The following ZNF132 variants were observed in gnomAD, a reference collection of about 807,000 sequenced individuals.
ZNF132 encodes zinc finger protein 132.
Under a neutral mutation model 9.3 loss-of-function variants are expected in ZNF132, and 6 were observed. The observed-to-expected ratio is 0.65, with a 90% CI of 0.35 to 1.28. The LOEUF (loss-of-function observed/expected upper bound fraction) is 1.28. Among genes scored for constraint, ZNF132 ranks in the 50% most tolerant of loss-of-function variants. ZNF132 has a pLI of 0.03. For missense variants in ZNF132, 877 were observed against 843.2 expected (o/e 1.04, Z -0.50); for synonymous variants, 296 against 292.0 (o/e 1.01, Z -0.14).
Position 58,433,001 on chromosome 19 carries a change from C to A in ZNF132, c.*322G>T. ...TCCCTCAAGGCCCCTCAACCAGCAT[C>A]GGTTCAGCTGAGCACAGTCCTGAAT... On this transcript the variant is annotated 3_prime_UTR_variant, in exon 3 of 3. Coordinates refer to ENST00000254166, the MANE Select transcript of ZNF132 (RefSeq NM_003433.4). The A allele has an allele frequency of 3.0e-6, 1 of 331,110 alleles. No individual in the cohort carries two copies. The highest frequency in any genetic ancestry group is 5.5e-6 in the Non-Finnish European group (1 of 182,662). 20.5% of individuals were successfully genotyped at this position (331,110 alleles called of 1,614,324 possible). A position where few individuals can be genotyped will look rare whatever the true frequency, so the allele number is the denominator to read the frequency against.
rs1370208359 is a variant in ZNF132, at chr19:58,439,774, C to G, written c.48G>C (p.Leu16=). 6 of 1,545,302 alleles carry G rather than the reference C, an allele frequency of 3.9e-6. No individual in the cohort carries two copies. The highest frequency in any genetic ancestry group is 8.7e-7 in the Non-Finnish European group (1 of 1,145,272). ...CTCCACTTACCTGCGCCGGGCCCAT[C>G]AGCAACGCTGGCAACCCCATTAGAA... ...PQVLMGLPAL[L]MGPAQHTSWP... The change falls in exon 1 of 3, where the codon CTG becomes CTC. Residue 16 remains leucine, a synonymous_variant. Coordinates refer to ENST00000254166, the MANE Select transcript of ZNF132 (RefSeq NM_003433.4).
chr19:58,434,431 T>C lies in ZNF132; in HGVS notation c.1013A>G (p.Gln338Arg), dbSNP rs746698855. ...FNHKLTFVHHQRIHSGERPYE... is the reference protein window; with the variant it reads ...FNHKLTFVHHRRIHSGERPYE... The stretch of plus-strand genomic sequence containing the variant: ...AGGTCTTTCTCCTGAGTGAATTCTC[T>C]GATGATGAACAAATGTGAGTTTGTG... Residue 338 changes from glutamine (Q) to arginine (R), a missense_variant, in exon 3 of 3, where the codon CAG becomes CGG. By Grantham distance (43) the Gln-to-Arg change is conservative. Transcript: ENST00000254166. The C allele has an allele frequency of 3.1e-6, 5 of 1,614,134 alleles. No homozygotes were observed. In the East Asian group the frequency reaches 1.1e-4, roughly 36 times the overall value.
Position 58,434,240 on chromosome 19 carries a change from G to T in ZNF132, c.1204C>A (p.Pro402Thr), listed in dbSNP as rs530514682. The change falls in exon 3 of 3, where the codon CCT becomes ACT. Residue 402 changes from proline (P) to threonine (T), a missense_variant. Transcript: ENST00000254166. ...TTACCACATTGACTGCACTCATAAG[G>T]TCTTACCTGTGTGTGAACTTTCTGA... ...RHQKVHTQVR[P>T]YECSQCGKSF... 28 of 1,613,954 alleles carry T rather than the reference G, an allele frequency of 1.7e-5. No individual in the cohort carries two copies. The highest frequency in any genetic ancestry group is 2.4e-5 in the Non-Finnish European group (28 of 1,180,026).
chr19:58,433,436 G>A lies in ZNF132; in HGVS notation c.2008C>T (p.Leu670Phe). The A allele has an allele frequency of 6.2e-7, 1 of 1,614,192 alleles. No homozygotes were observed. Among genetic ancestry groups the A allele is most frequent in the South Asian group, 1.1e-5 (1 of 91,080 alleles). ...CGKAFSERSTLVRHQKVHTRE... is the reference protein window; with the variant it reads ...CGKAFSERSTFVRHQKVHTRE... Reference sequence around the variant, plus strand: ...GTGTGAACTTTCTGGTGCCGAACAAGTGTAGATCTTTCACTAAAGGCTTTT... The same window carrying A: ...GTGTGAACTTTCTGGTGCCGAACAAATGTAGATCTTTCACTAAAGGCTTTT... Residue 670 changes from leucine (L) to phenylalanine (F), a missense_variant, in exon 3 of 3, where the codon CTT (leucine) becomes TTT (phenylalanine). Physicochemically the swap from Leu to Phe is conservative, Grantham distance 22. Coordinates refer to ENST00000254166, the MANE Select transcript of ZNF132 (RefSeq NM_003433.4).
intron 1 of ZNF132, chr19:58,437,881 A>C: frequency 1.3e-6 from 1 of 751,152 alleles, no homozygotes; most frequent in Non-Finnish European, 1.6e-6. Flanking sequence ...AGCAGATCTC[A>C]AATATCTCTT....
rs1599965098 is a variant in ZNF132, at chr19:58,434,068, A to G, written c.1376T>C (p.Phe459Ser). 1 of 1,613,416 alleles carries G rather than the reference A, an allele frequency of 6.2e-7. No homozygotes were observed. Among genetic ancestry groups the G allele is most frequent in the African/African-American group, 1.3e-5 (1 of 74,774 alleles). ...HQKVHTGERP[F>S]ECSECGRDFS... ...GTCTCTTCCACATTCACTGCACTCA[A>G]AAGGCCGTTCTCCGGTGTGAACTTT... Residue 459 changes from phenylalanine (F) to serine (S), a missense_variant, in exon 3 of 3, where the codon TTT (phenylalanine) becomes TCT (serine). Phe to Ser is a radical substitution (Grantham distance 155, BLOSUM62 -2). Coordinates refer to ENST00000254166, the MANE Select transcript of ZNF132 (RefSeq NM_003433.4).
chr19:58,439,628 GGCCCAGGACCCACGT>G, intron 1 of ZNF132, 116 bp downstream of exon 1: 1 of 961,604 alleles, frequency 1.0e-6, no homozygotes, highest in Non-Finnish European at 1.5e-6. Flanking sequence ...CCCAGGGCAG[GGCCCAGGACCCACGT>G]GTGAGGACAG....
At position 58,433,976 on chromosome 19, in the gene ZNF132, A is replaced by G; in HGVS notation, c.1468T>C (p.Cys490Arg). 6.2e-7 allele frequency: 1 copy of G among 1,613,794 alleles called. No individual in the cohort carries two copies. The highest frequency in any genetic ancestry group is 8.5e-7 in the Non-Finnish European group (1 of 1,179,946). Residue 490 changes from cysteine to arginine, a missense_variant, in exon 3 of 3, where the codon TGT becomes CGT. Cys to Arg is a radical substitution (Grantham distance 180, BLOSUM62 -3). Coordinates refer to ENST00000254166, the MANE Select transcript of ZNF132 (RefSeq NM_003433.4). ...VHTGERPFEC[C>R]DCGKAFSNSS... ...TTACTGAAGGCTTTACCACAATCAC[A>G]GCATTCAAAAGGCCGTTCTCCAGTG...
chr19:58,435,992 A>G (rs1418445063), intron 2 of ZNF132, among the ~76,000 whole-genome samples: 16 of 152,258 alleles, frequency 1.1e-4, no homozygotes, highest in Non-Finnish European at 2.4e-4. Context: ...GTCTTTCTAT[A>G]CACTGGAATA....
At position 58,433,006 on chromosome 19, in the gene ZNF132, C is replaced by G. The variant is rs373540186; in HGVS notation, c.*317G>C. The G allele has an allele frequency of 9.3e-6, 3 of 321,980 alleles. No individual in the cohort carries two copies. Among genetic ancestry groups the G allele is most frequent in the South Asian group, 7.1e-5 (1 of 14,112 alleles). 19.9% of individuals were successfully genotyped at this position (321,980 alleles called of 1,614,324 possible). On this transcript the variant is annotated 3_prime_UTR_variant, in exon 3 of 3. Transcript: ENST00000254166. ...CAAGGCCCCTCAACCAGCATCGGTT[C>G]AGCTGAGCACAGTCCTGAATCCCTA...
At position 58,433,455 on chromosome 19, in the gene ZNF132, G is replaced by A. The variant is rs752975683; in HGVS notation, c.1989C>T (p.Ala663=). The A allele has an allele frequency of 1.3e-5, 20 of 1,584,058 alleles. No homozygotes were observed. The South Asian group carries it at 2.2e-4, about 17-fold the overall frequency. ...GAACAAGTGTAGATCTTTCACTAAA[G>A]GCTTTTCCACACTGGATGCACTCAT... ...RPYECIQCGK[A]FSERSTLVRH... Residue 663 remains alanine, a synonymous_variant, in exon 3 of 3, where the codon GCC becomes GCT. Transcript: ENST00000254166.
chr19:58,434,576 G>T lies in ZNF132; in HGVS notation c.868C>A (p.Pro290Thr), dbSNP rs780750282. Residue 290 changes from proline (P) to threonine (T), a missense_variant, in exon 3 of 3, where the codon CCC becomes ACC. Transcript: ENST00000254166. ...TTCCCACACTCCTTACACACATGGG[G>T]TATTTCCCCAGTGTGAAACTTTTTA... ...GNKKFHTGEI[P>T]HVCKECGKAF... is the part of the protein sequence containing the mutation. The T allele has an allele frequency of 1.4e-5, 22 of 1,613,990 alleles. No homozygotes were observed. The South Asian group carries it at 2.4e-4, about 18-fold the overall frequency.
chr19:58,434,633 T>G lies in ZNF132; in HGVS notation c.811A>C (p.Asn271His), dbSNP rs772246721. Reference sequence around the variant, plus strand: ...AGGATTGATTTCTCCTCTAAGAAATTTCCACCTGTTGGGCATGTAAATGGT... The same window carrying G: ...AGGATTGATTTCTCCTCTAAGAAATGTCCACCTGTTGGGCATGTAAATGGT... ...EIPFTCPTGG[N>H]FLEEKSILGN... The change falls in exon 3 of 3, where the codon AAT (asparagine) becomes CAT (histidine). Residue 271 changes from asparagine to histidine, a missense_variant. Physicochemically the swap from Asn to His is moderately conservative, Grantham distance 68 (BLOSUM62 1). Transcript: ENST00000254166. The G allele has an allele frequency of 6.2e-7, 1 of 1,614,216 alleles. No individual in the cohort carries two copies.
In ZNF132 at chr19:58,437,137, A is replaced by G; in HGVS notation, c.142T>C (p.Ser48Pro). ...VTFEDVAVYF[S>P]QEEWELLDAA... Reference sequence around the variant, plus strand: ...TCAAGGAGCTCCCACTCCTCTTGGGAGAAGTATACAGCCACATCTTCAAAG... The same window carrying G: ...TCAAGGAGCTCCCACTCCTCTTGGGGGAAGTATACAGCCACATCTTCAAAG... Residue 48 changes from serine (S) to proline (P), a missense_variant, in exon 2 of 3, where the codon TCC becomes CCC. Coordinates refer to ENST00000254166, the MANE Select transcript of ZNF132 (RefSeq NM_003433.4). 6.2e-7 allele frequency: 1 copy of G among 1,614,146 alleles called. No homozygotes were observed. Among genetic ancestry groups the G allele is most frequent in the South Asian group, 1.1e-5 (1 of 91,076 alleles).
intron 2 of ZNF132, chr19:58,435,465 C>A (rs560901827): frequency 7.2e-6 from 3 of 418,200 alleles, no homozygotes; most frequent in East Asian, 8.1e-5. Flanking sequence ...ATAGACATTT[C>A]TCTAAAAGAA....
intron 2 of ZNF132, chr19:58,435,514 G>C: frequency 4.0e-6 from 1 of 251,620 alleles, no homozygotes; most frequent in Non-Finnish European, 7.7e-6. Context: ...ATGAAAAGAA[G>C]TTCAGCATCC....
chr19:58,437,321 T>C (rs1192556197), intron 1 of ZNF132, 106 bp from the exon 2 acceptor site: 7 of 1,307,114 alleles, frequency 5.4e-6, no homozygotes, highest in African/African-American at 1.5e-5. Flanking sequence ...CTTATGATCC[T>C]CTCAGTCCAC....
At position 58,437,064 on chromosome 19, in the gene ZNF132, T is replaced by C. The variant is rs1164495226; in HGVS notation, c.215A>G (p.Glu72Gly). 6.2e-7 allele frequency: 1 copy of C among 1,614,096 alleles called. No homozygotes were observed. The highest frequency in any genetic ancestry group is 1.6e-4 in the Middle Eastern group (1 of 6,062). Residue 72 changes from glutamate (E) to glycine (G), a missense_variant, in exon 2 of 3, where the codon GAG becomes GGG. Transcript: ENST00000254166. The stretch of plus-strand genomic sequence containing the variant: ...GGCATTACCAAGTGAGGTCACAAGC[T>C]CAAGGTTTTCCAGCATCACACTGTG... ...LYHSVMLENL[E>G]LVTSLGSWHG...
At chr19:58,437,298 A>G (rs2122303449) in intron 1 of ZNF132, 83 bp from the exon 2 acceptor site, 1 of 1,434,972 alleles carries the variant, frequency 7.0e-7, no homozygotes. Flanking sequence ...ATCTACCACT[A>G]ATATCTCTTT....
Sources: gnomAD v4.1 joint callset for allele counts (sites outside exome capture counted in the v4.1 genomes callset) on GRCh38, gnomAD v4.1.1 for gene constraint, MANE v1.5 for transcripts, NCBI Gene and HGNC (gene_info 2026-07-23, HGNC 2026-07-21) for gene names.